The following ADGRL3 variants were observed in gnomAD, a reference collection of about 807,000 sequenced individuals.
The protein encoded by ADGRL3 is adhesion G protein-coupled receptor L3.
In ADGRL3, 62 loss-of-function variants were observed where a neutral mutation model predicts 153.5. The observed-to-expected ratio is 0.40, with a 90% CI of 0.33 to 0.50. ADGRL3 has a LOEUF of 0.50. ADGRL3 is among the 20% of genes least tolerant of loss of function. ADGRL3 has a pLI of 0.47. For synonymous variants in ADGRL3, 710 were observed against 672.5 expected, an observed-to-expected ratio of 1.06 and a Z score of -0.86; for missense variants, 1,641 against 1,859.4, an observed-to-expected ratio of 0.88 and a Z score of 2.16.
At chr4:61,344,718 A>G (rs771410086) in intron 1 of ADGRL3, among the ~76,000 whole-genome samples, 1 of 152,182 alleles carries the variant, frequency 6.6e-6, no homozygotes, top group Non-Finnish European at 1.5e-5. Context: ...CATGTAAATC[A>G]TAGCTCTATA....
intron 8 of ADGRL3, among the ~76,000 whole-genome samples, chr4:61,736,468 C>T (rs1386626815): frequency 6.6e-6 from 1 of 151,982 alleles, no homozygotes; most frequent in Non-Finnish European, 1.5e-5. Flanking sequence ...CTAGCCTGGC[C>T]AACATGGTGA....
At chr4:61,568,284 T>C (rs1398219121) in intron 4 of ADGRL3, among the ~76,000 whole-genome samples, 1 of 152,154 alleles carries the variant, frequency 6.6e-6, no homozygotes, top group Non-Finnish European at 1.5e-5. Flanking sequence ...ATAAGAATTA[T>C]GATAATTTCT....
chr4:61,719,187 A>G (rs2096186301), intron 6 of ADGRL3, among the ~76,000 whole-genome samples: 1 of 152,070 alleles, frequency 6.6e-6, no homozygotes, highest in Admixed American at 6.6e-5. Flanking sequence ...CTATCTCTCA[A>G]AGGAGGAACA....
intron 1 of ADGRL3, among the ~76,000 whole-genome samples, chr4:61,245,471 T>C (rs1382775947): frequency 6.6e-6 from 1 of 152,100 alleles, no homozygotes; most frequent in Non-Finnish European, 1.5e-5. Flanking sequence ...CGTCCTCATG[T>C]CTTGGCCCCA....
chr4:61,536,569 G>C (rs1055209501), intron 4 of ADGRL3, among the ~76,000 whole-genome samples: 3 of 151,960 alleles, frequency 2.0e-5, no homozygotes, highest in Non-Finnish European at 4.4e-5. Context: ...CTGGTGTTGG[G>C]TGCATATATA....
Position 61,909,761 on chromosome 4 carries a change from A to ATATG in ADGRL3, c.2073+17_2073+18insATGT. The ATATG allele has an allele frequency of 8.4e-7, 1 of 1,194,558 alleles. No homozygotes were observed. The allele number at this position is 1,194,558 out of a possible 1,614,324, so 74.0% of individuals were successfully genotyped here. On this transcript the variant is annotated intron_variant, in intron 12 of 26. Coordinates refer to ENST00000683033, the MANE Select transcript of ADGRL3 (RefSeq NM_001387552.1). ...TTTGAACAAGGTAAGGACCCTAATT[A>ATATG]TGTGTGTGTGTGTGTGTGTGTGTGT...
chr4:61,611,060 C>A (rs2091277957), intron 5 of ADGRL3, among the ~76,000 whole-genome samples: 1 of 152,036 alleles, frequency 6.6e-6, no homozygotes, highest in African/African-American at 2.4e-5. Flanking sequence ...CAGAAATAAA[C>A]CCTAAAATTT....
intron 1 of ADGRL3, among the ~76,000 whole-genome samples, chr4:61,288,384 C>T (rs1270498169): frequency 6.6e-6 from 1 of 151,764 alleles, no homozygotes; most frequent in Admixed American, 6.6e-5. Context: ...TCATCAAGGA[C>T]CGACTCTCTT....
At chr4:61,576,150 A>T (rs2098878906) in intron 4 of ADGRL3, among the ~76,000 whole-genome samples, 1 of 151,422 alleles carries the variant, frequency 6.6e-6, no homozygotes, top group Admixed American at 6.6e-5. Context: ...TGTTGTTGTT[A>T]CTCCTCTTAG....
At chr4:61,887,897 T>G (rs575042582) in intron 9 of ADGRL3, among the ~76,000 whole-genome samples, 1 of 152,144 alleles carries the variant, frequency 6.6e-6, no homozygotes, top group Non-Finnish European at 1.5e-5. Context: ...TAAAGAACTT[T>G]ACAAGTATTT....
intron 9 of ADGRL3, among the ~76,000 whole-genome samples, chr4:61,867,135 C>G (rs749425045): frequency 8.6e-5 from 13 of 151,842 alleles, no homozygotes; most frequent in Non-Finnish European, 1.6e-4. Flanking sequence ...AGCAGATATC[C>G]TAAGGAATTT....
rs762880399 is a variant in ADGRL3 at position 61,909,561 on chromosome 4, T to G, written c.1889T>G (p.Leu630Trp). 1.2e-6 allele frequency: 2 copies of G among 1,609,056 alleles called. No homozygotes were observed. The highest frequency in any genetic ancestry group is 1.7e-6 in the Non-Finnish European group (2 of 1,177,682). ...TTGTATTCCATTTAAAAATTATAGT[T>G]GAAATCTGGTGAAACAGCTGCCAAC... ...SPWVNHITQKLKSGETAANIA... is the reference protein window; with the variant it reads ...SPWVNHITQKWKSGETAANIA... Residue 630 changes from leucine to tryptophan, a missense_variant and splice_region_variant, in exon 12 of 27, where the codon TTG (leucine) becomes TGG (tryptophan). Around this residue, in one of 5 missense-constraint regions of ADGRL3, gnomAD observed 734 missense variants for 797.0 expected, o/e 0.92. Coordinates refer to ENST00000683033, the MANE Select transcript of ADGRL3 (RefSeq NM_001387552.1).
intron 1 of ADGRL3, among the ~76,000 whole-genome samples, chr4:61,367,535 A>T (rs1233822742): frequency 6.6e-6 from 1 of 150,382 alleles, no homozygotes. Flanking sequence ...ATGATTTCCA[A>T]TTTCATCCAT....
chr4:61,432,025 A>G (rs2097361893), intron 2 of ADGRL3, among the ~76,000 whole-genome samples: 1 of 152,186 alleles, frequency 6.6e-6, no homozygotes, highest in South Asian at 2.1e-4. Context: ...AAATGGACCT[A>G]CAGAGCTTTT....
At chr4:61,867,621 A>T (rs1053340515) in intron 9 of ADGRL3, among the ~76,000 whole-genome samples, 8 of 149,338 alleles carry the variant, frequency 5.4e-5, no homozygotes. Context: ...TTAACAAGAG[A>T]AAAGCGTATA....
rs1404881963 is a variant in ADGRL3 at position 61,517,508 on chromosome 4, T to A, written c.249T>A (p.Ile83=). 1 of 710,000 alleles carries A rather than the reference T, an allele frequency of 1.4e-6. No individual in the cohort carries two copies. Among genetic ancestry groups the A allele is most frequent in the African/African-American group, 1.7e-5 (1 of 57,280 alleles). 44.0% of individuals were successfully genotyped at this position (710,000 alleles called of 1,614,324 possible). ...GTCCAGGTGCCCAAGGAGCACAGAT[T>A]GCAGCGCAAGGTGCGGCCAGCGGTG... ...VRGPGAQGAQ[I]AAQAFSRAPI... is the part of the protein sequence containing the mutation. The change falls in exon 4 of 27, where the codon ATT becomes ATA. Residue 83 remains isoleucine (I), a synonymous_variant. Transcript: ENST00000683033.
chr4:62,047,834 T>C (rs1028507700), intron 25 of ADGRL3, among the ~76,000 whole-genome samples: 5 of 152,148 alleles, frequency 3.3e-5, no homozygotes, highest in Non-Finnish European at 7.3e-5. Context: ...TCAGAATTCC[T>C]TGAGGCCAAT....
intron 5 of ADGRL3, among the ~76,000 whole-genome samples, chr4:61,673,816 G>A (rs2095089382): frequency 6.6e-6 from 1 of 150,658 alleles, no homozygotes; most frequent in African/African-American, 2.4e-5. Flanking sequence ...ATGAACTTTT[G>A]ATATAAACAT....
intron 21 of ADGRL3, among the ~76,000 whole-genome samples, chr4:62,014,289 G>A (rs1384148239): frequency 6.6e-6 from 1 of 152,010 alleles, no homozygotes; most frequent in Non-Finnish European, 1.5e-5. Flanking sequence ...GCTGCCAGTG[G>A]GCAACAATTT....
Sources: gnomAD v4.1 joint callset for allele counts (sites outside exome capture counted in the v4.1 genomes callset) on GRCh38, gnomAD v4.1.1 for gene constraint, gnomAD v4.1.1 regional missense constraint, MANE v1.5 for transcripts, NCBI Gene and HGNC (gene_info 2026-07-23, HGNC 2026-07-21) for gene names.